The following NRG1 variants were observed in gnomAD, a reference collection of about 807,000 sequenced individuals.
NRG1 encodes the protein neuregulin 1.
Under a neutral mutation model 63.8 loss-of-function variants are expected in NRG1, and 18 were observed. That is an observed-to-expected ratio of 0.28 (90% CI 0.19 to 0.42). The LOEUF is 0.42. NRG1 is among the 10% of genes least tolerant of loss of function. The pLI is 1.00. For missense variants in NRG1, 762 were observed against 814.7 expected (o/e 0.94, Z 0.79); for synonymous variants, 302 against 301.3 (o/e 1.00, Z -0.02).
chr8:32,313,416 T>C (rs186944380), intron 1 of NRG1, among the ~76,000 whole-genome samples: 1 of 152,272 alleles, frequency 6.6e-6, no homozygotes, highest in East Asian at 1.9e-4. Context: ...AGGAAGAAAT[T>C]AGGTGCATTA....
At chr8:32,101,758 C>G (rs16878810) in intron 1 of NRG1, among the ~76,000 whole-genome samples, 44,313 of 152,004 alleles carry the variant, frequency 0.29, 6,766 homozygotes, top group East Asian at 0.51. Context: ...CCCACAAACT[C>G]TAAAGATTTT....
rs80343877 is a variant in NRG1 at position 32,144,217 on chromosome 8, A to G, written c.38-451611A>G. ...GGAAGCTTCTTCAGTCATAAAGCAA[A>G]GGACAGTAATTCTGAATGACAATGT... On this transcript the variant is annotated intron_variant, in intron 1 of 10. Transcript: ENST00000519301. 3.1e-3 allele frequency among the ~76,000 whole-genome samples: 472 copies of G among 152,342 alleles called. 2 individuals are homozygous for G. Among genetic ancestry groups the G allele is most frequent in the African/African-American group, 0.011 (450 of 41,582 alleles).
intron 5 of NRG1, among the ~76,000 whole-genome samples, chr8:32,631,100 G>T (rs1384624787): frequency 6.6e-6 from 1 of 152,068 alleles, no homozygotes; most frequent in African/African-American, 2.4e-5. Context: ...ATCTCATACT[G>T]TGCACTTTAC....
intron 1 of NRG1, among the ~76,000 whole-genome samples, chr8:32,453,747 C>A (rs1240421000): frequency 6.6e-6 from 1 of 152,150 alleles, no homozygotes; most frequent in African/African-American, 2.4e-5. Context: ...ACAAATAACA[C>A]CGACCTAAAA....
chr8:32,176,215 C>T (rs1356497621), intron 1 of NRG1, among the ~76,000 whole-genome samples: 1 of 152,116 alleles, frequency 6.6e-6, no homozygotes. Flanking sequence ...CTGAGAAAAA[C>T]AAGAAATGGG....
At chr8:32,685,993 C>A (rs1000574792) in intron 5 of NRG1, among the ~76,000 whole-genome samples, 3 of 152,168 alleles carry the variant, frequency 2.0e-5, no homozygotes, top group African/African-American at 7.2e-5. Context: ...AATTTTGATA[C>A]CCTATCTCCA....
At chr8:32,050,205 T>G (rs1821755761) in intron 1 of NRG1, among the ~76,000 whole-genome samples, 1 of 152,084 alleles carries the variant, frequency 6.6e-6, no homozygotes, top group African/African-American at 2.4e-5. Flanking sequence ...TAAAAGACAT[T>G]GCGTCAGTTG....
chr8:32,750,393 G>T (rs1828455399), intron 7 of NRG1, among the ~76,000 whole-genome samples: 1 of 152,144 alleles, frequency 6.6e-6, no homozygotes, highest in Non-Finnish European at 1.5e-5. Flanking sequence ...TTGAAGACCA[G>T]TCTCTGGGGA....
chr8:32,670,427 C>G (rs1030971273), intron 5 of NRG1, among the ~76,000 whole-genome samples: 4 of 152,132 alleles, frequency 2.6e-5, no homozygotes, highest in African/African-American at 9.7e-5. Context: ...CTTCCTTCTG[C>G]ACAGGCTCCA....
intron 1 of NRG1, among the ~76,000 whole-genome samples, chr8:31,972,908 A>G (rs1807539233): frequency 6.6e-6 from 1 of 152,226 alleles, no homozygotes; most frequent in Non-Finnish European, 1.5e-5. Context: ...GGTAAATTAA[A>G]CTGTTTAAAA....
At position 32,108,991 on chromosome 8, in the gene NRG1, CT is replaced by C. The variant is rs1477717026; in HGVS notation, c.37+469561del. Among the ~76,000 whole-genome samples the C allele has an allele frequency of 3.3e-5, 5 of 152,196 alleles. No individual in the cohort carries two copies. The East Asian group carries it at 9.6e-4, about 29-fold the overall frequency. On this transcript the variant is annotated intron_variant, in intron 1 of 10. Transcript: ENST00000519301. ...CCAATGCAGCAAAAGACAATAACGT[CT>C]GTTTAACCACACAGTCACGGAACAT... is the stretch of plus-strand genomic sequence containing the variant.
At chr8:32,200,733 A>C (rs899518815) in intron 1 of NRG1, among the ~76,000 whole-genome samples, 1 of 152,192 alleles carries the variant, frequency 6.6e-6, no homozygotes, top group Admixed American at 6.5e-5. Context: ...CTGGAAGCAG[A>C]AAGTCCCTCC....
intron 1 of NRG1, among the ~76,000 whole-genome samples, chr8:31,865,439 A>T (rs912764609): frequency 5.9e-5 from 9 of 152,024 alleles, no homozygotes; most frequent in Non-Finnish European, 8.8e-5. Context: ...CTACCATATG[A>T]TATGGTTTTG....
chr8:32,704,916 C>A (rs1815946863), intron 5 of NRG1, among the ~76,000 whole-genome samples: 1 of 152,150 alleles, frequency 6.6e-6, no homozygotes, highest in Non-Finnish European at 1.5e-5. Context: ...GCCATTAGTG[C>A]CTGTCATTCG....
intron 1 of NRG1, among the ~76,000 whole-genome samples, chr8:32,540,079 T>C (rs1193558069): frequency 6.6e-6 from 1 of 151,108 alleles, no homozygotes; most frequent in Non-Finnish European, 1.5e-5. Context: ...AAAGGTTTTG[T>C]TGTTGTTGTT....
chr8:32,763,271 T>C (rs1167875382), intron 11 of NRG1: 2 of 1,614,070 alleles, frequency 1.2e-6, no homozygotes, highest in South Asian at 1.1e-5. Flanking sequence ...TCCAAATGCA[T>C]GCAGATCCAG....
At chr8:32,302,023 C>CTAA (rs2129475217) in intron 1 of NRG1, among the ~76,000 whole-genome samples, 1 of 152,182 alleles carries the variant, frequency 6.6e-6, no homozygotes, top group South Asian at 2.1e-4. Flanking sequence ...CTGGTTTTAC[C>CTAA]CATTGTCTGA....
At chr8:32,417,334 T>G (rs917501866) in intron 1 of NRG1, among the ~76,000 whole-genome samples, 4 of 152,164 alleles carry the variant, frequency 2.6e-5, no homozygotes, top group African/African-American at 7.2e-5. Context: ...GTCAGTGGAA[T>G]TTTGAACTCT....
chr8:32,345,871 G>A (rs1200325137), intron 1 of NRG1, among the ~76,000 whole-genome samples: 1 of 151,726 alleles, frequency 6.6e-6, no homozygotes, highest in Admixed American at 6.6e-5. Context: ...AGCTGGGCAT[G>A]GTGGCACGTG....
Sources: allele counts gnomAD v4.1 joint callset (sites outside exome capture counted in the v4.1 genomes callset), GRCh38; gene constraint gnomAD v4.1.1; transcripts MANE v1.5; gene names NCBI Gene and HGNC (gene_info 2026-07-23, HGNC 2026-07-21).